Variants in SCEL observed in about 807,000 individuals in gnomAD.
The protein encoded by SCEL is sciellin.
SCEL carries 113 observed loss-of-function variants against 117.6 expected under a neutral mutation model. The ratio of observed to expected loss-of-function variants is 0.96; its 90% confidence interval spans 0.83 to 1.12. The LOEUF (loss-of-function observed/expected upper bound fraction) is 1.12, where lower values mean the gene tolerates loss of function less well. Ranked by LOEUF, SCEL falls within the 50% of genes most tolerant of loss-of-function variation. SCEL has a pLI of 0.00. For synonymous variants in SCEL, 270 were observed against 256.2 expected (o/e 1.05, Z -0.51); for missense variants, 785 against 810.8 (o/e 0.97, Z 0.39).
intron 19 of SCEL, among the ~76,000 whole-genome samples, chr13:77,606,993 G>A (rs1207333089): frequency 6.6e-6 from 1 of 152,182 alleles, no homozygotes; most frequent in Admixed American, 6.5e-5. Flanking sequence ...ATACTAAAGA[G>A]TAACAAGAAA....
In SCEL at chr13:77,556,591, G is replaced by C; in HGVS notation, c.44-5G>C. Reference sequence around the variant, plus strand: ...TCTTCCAGTCTTTCATGTTTCTGTTGATAGAGATGAAGAGCACCACTCAGG... The same window carrying C: ...TCTTCCAGTCTTTCATGTTTCTGTTCATAGAGATGAAGAGCACCACTCAGG... On this transcript the variant is annotated splice_region_variant and splice_polypyrimidine_tract_variant and intron_variant, in intron 2 of 32. Coordinates refer to ENST00000349847, the MANE Select transcript of SCEL (RefSeq NM_144777.3). 6.2e-7 allele frequency: 1 copy of C among 1,610,864 alleles called. No homozygotes were observed. The highest frequency in any genetic ancestry group is 1.3e-5 in the African/African-American group (1 of 74,960).
chr13:77,643,729 C>G (rs1450659353), intron 32 of SCEL, among the ~76,000 whole-genome samples: 1 of 152,042 alleles, frequency 6.6e-6, no homozygotes, highest in East Asian at 1.9e-4. Context: ...ATATCAGAAA[C>G]CCACGTTCCA....
intron 5 of SCEL, among the ~76,000 whole-genome samples, chr13:77,565,341 A>G (rs573769977): frequency 4.6e-4 from 70 of 152,302 alleles, no homozygotes; most frequent in African/African-American, 1.6e-3. Flanking sequence ...TTTTTTTTCA[A>G]GCTTATAGAG....
rs1310406351 is a variant in SCEL, at chr13:77,609,132, G to A, written c.1277+15G>A. 1.8e-5 allele frequency: 28 copies of A among 1,574,756 alleles called. 1 individual carries two copies. The Admixed American group carries it at 3.1e-4, about 18-fold the overall frequency. ...AGTACTGAAGGGTAAGATTTAATAAGCTCCCTTTTTTGTTTCATAGTAACC... is the reference window on the plus strand; with the variant it reads ...AGTACTGAAGGGTAAGATTTAATAAACTCCCTTTTTTGTTTCATAGTAACC... On this transcript the variant is annotated intron_variant, in intron 21 of 32. Transcript: ENST00000349847.
Position 77,642,742 on chromosome 13 carries a change from G to A in SCEL, c.1984G>A (p.Ala662Thr). 6.2e-7 allele frequency: 1 copy of A among 1,604,188 alleles called. No homozygotes were observed. Among genetic ancestry groups the A allele is most frequent in the Non-Finnish European group, 8.5e-7 (1 of 1,175,008 alleles). Residue 662 changes from alanine to threonine, a missense_variant, in exon 32 of 33, where the codon GCG becomes ACG. Coordinates refer to ENST00000349847, the MANE Select transcript of SCEL (RefSeq NM_144777.3). ...ICKQPLENLQ[A>T]GDSIWIYRQT... is the part of the protein sequence containing the mutation. ...CAAGCAGCCTTTGGAAAATCTACAAGCGGGTGATAGTATTTGGATTTATAG... is the reference window on the plus strand; with the variant it reads ...CAAGCAGCCTTTGGAAAATCTACAAACGGGTGATAGTATTTGGATTTATAG...
intron 27 of SCEL, among the ~76,000 whole-genome samples, chr13:77,622,724 C>T (rs1028374219): frequency 3.9e-5 from 6 of 151,902 alleles, no homozygotes; most frequent in South Asian, 4.2e-4. Context: ...TAGCTGGGTG[C>T]GATGGCATGC....
At chr13:77,617,943 C>T in intron 26 of SCEL, 61 bp from the exon 27 acceptor site, 1 of 1,582,718 alleles carries the variant, frequency 6.3e-7, no homozygotes, top group Non-Finnish European at 8.7e-7. Context: ...GCTTTATTGA[C>T]CTAGCACAAC....
intron 28 of SCEL, among the ~76,000 whole-genome samples, chr13:77,633,765 T>C (rs1299373358): frequency 6.6e-6 from 1 of 152,230 alleles, no homozygotes; most frequent in African/African-American, 2.4e-5. Context: ...ACTTGACCCT[T>C]TCTTTGAAAT....
chr13:77,636,062 C>T lies in SCEL; in HGVS notation c.1764-1058C>T, dbSNP rs190312095. ...TTGACCGGAAGCCTCTGAAAGGATT[C>T]GTTGCCTCCTGTACCTTAACCTAGC... On this transcript the variant is annotated intron_variant, in intron 29 of 32. Coordinates refer to ENST00000349847, the MANE Select transcript of SCEL (RefSeq NM_144777.3). Among the ~76,000 whole-genome samples, 289 of 152,316 alleles carry T rather than the reference C, an allele frequency of 1.9e-3. No individual in the cohort carries two copies. The Middle Eastern group carries it at 0.02, about 11-fold the overall frequency.
intron 16 of SCEL, 26 bp downstream of exon 16, chr13:77,602,150 A>G: frequency 6.3e-7 from 1 of 1,587,458 alleles, no homozygotes; most frequent in Non-Finnish European, 8.6e-7. Context: ...ACCTTGATGG[A>G]GCTCTTTTTA....
At chr13:77,593,304 G>GCGCGTC (rs1567392141) in intron 11 of SCEL, among the ~76,000 whole-genome samples, 1 of 146,702 alleles carries the variant, frequency 6.8e-6, no homozygotes. Flanking sequence ...GTGTCTGTGT[G>GCGCGTC]TGTGTGTGTG....
intron 11 of SCEL, among the ~76,000 whole-genome samples, chr13:77,593,295 T>TGTGTGCGCGCGTGC (rs796907419): frequency 7.3e-6 from 1 of 136,784 alleles, no homozygotes; most frequent in Non-Finnish European, 1.6e-5. Flanking sequence ...TGTGTGTGTG[T>TGTGTGCGCGCGTGC]GTCTGTGTGT....
chr13:77,576,989 A>T (rs2085979473), intron 9 of SCEL, among the ~76,000 whole-genome samples: 1 of 152,146 alleles, frequency 6.6e-6, no homozygotes, highest in Admixed American at 6.5e-5. Flanking sequence ...TTGATTTTGT[A>T]TCCTGAGACT....
At chr13:77,635,778 G>T (rs2090249701) in intron 29 of SCEL, among the ~76,000 whole-genome samples, 1 of 152,122 alleles carries the variant, frequency 6.6e-6, no homozygotes, top group Admixed American at 6.5e-5. Flanking sequence ...CTGTACATAT[G>T]TGTATCATGT....
chr13:77,571,938 C>A (rs1452221432), intron 8 of SCEL, among the ~76,000 whole-genome samples, 186 bp from the exon 9 acceptor site: 1 of 152,086 alleles, frequency 6.6e-6, no homozygotes, highest in East Asian at 1.9e-4. Flanking sequence ...AAGAGGTTTA[C>A]TTGGAGGAAC....
rs1049908301 is a variant in SCEL at position 77,610,036 on chromosome 13, A to G, written c.1278-11A>G. On this transcript the variant is annotated splice_polypyrimidine_tract_variant and intron_variant, in intron 21 of 32. Transcript: ENST00000349847. ...AAATCTACCACTGATCTGATTTTCT[A>G]TGTTTTTAAGGGGCCAAAGTCTCGA... 10 of 1,598,604 alleles carry G rather than the reference A, an allele frequency of 6.3e-6. No homozygotes were observed. Among genetic ancestry groups the G allele is most frequent in the Middle Eastern group, 1.7e-4 (1 of 6,050 alleles).
chr13:77,601,463 T>C (rs1567403268), intron 15 of SCEL, among the ~76,000 whole-genome samples: 1 of 152,196 alleles, frequency 6.6e-6, no homozygotes, highest in Non-Finnish European at 1.5e-5. Context: ...CAAAGCATAA[T>C]ACTTGGAAGC....
At chr13:77,608,429 G>T (rs2088391518) in intron 20 of SCEL, among the ~76,000 whole-genome samples, 1 of 152,112 alleles carries the variant, frequency 6.6e-6, no homozygotes, top group African/African-American at 2.4e-5. Flanking sequence ...GTGAAACCGT[G>T]TCTCTATAAA....
chr13:77,581,876 G>A (rs1292362154), intron 9 of SCEL, among the ~76,000 whole-genome samples: 2 of 152,146 alleles, frequency 1.3e-5, no homozygotes, highest in African/African-American at 4.8e-5. Context: ...CAGAATTAGA[G>A]CATGCTGAGG....
Sources: gnomAD v4.1 joint callset for allele counts (sites outside exome capture counted in the v4.1 genomes callset) on GRCh38, gnomAD v4.1.1 for gene constraint, MANE v1.5 for transcripts, NCBI Gene and HGNC (gene_info 2026-07-23, HGNC 2026-07-21) for gene names.